Variants in RAB36 observed in about 807,000 individuals in gnomAD.
The protein encoded by RAB36 is RAB36, member RAS oncogene family, also known as ras-related protein Rab-36.
RAB36 carries 33 observed loss-of-function variants against 39.3 expected under a neutral mutation model. The ratio of observed to expected loss-of-function variants is 0.84; its 90% CI spans 0.64 to 1.12. The LOEUF is 1.12. Among genes scored for constraint, RAB36 ranks in the 50% most tolerant of loss-of-function variants. The probability of loss-of-function intolerance (pLI) is 0.00; values close to 1 mark genes in which losing one functional copy is unlikely to be tolerated. For synonymous variants in RAB36, 133 were observed against 140.2 expected (o/e 0.95, Z 0.36); for missense variants, 308 against 355.3 (o/e 0.87, Z 1.07).
At chr22:23,147,581 C>T (rs1332822089) in intron 2 of RAB36, among the ~76,000 whole-genome samples, 1 of 152,176 alleles carries the variant, frequency 6.6e-6, no homozygotes, top group African/African-American at 2.4e-5. Flanking sequence ...AATCCTCCCA[C>T]CCGGGCCTCT....
intron 2 of RAB36, among the ~76,000 whole-genome samples, chr22:23,148,814 A>T (rs2070946794): frequency 6.6e-6 from 1 of 152,178 alleles, no homozygotes; most frequent in Admixed American, 6.5e-5. Context: ...GCCAGTCCCT[A>T]GCTTAAAGCT....
chr22:23,146,835 T>C, intron 2 of RAB36, 150 bp downstream of exon 2: 5 of 1,409,154 alleles, frequency 3.5e-6, no homozygotes, highest in Non-Finnish European at 4.6e-6. Flanking sequence ...GACTGGTCAC[T>C]GACTGCCCAA....
rs369837537 is a variant in RAB36 at position 23,153,169 on chromosome 22, C to T, written c.329+35C>T. ...TGGTTCCCCCATGGCTCGTGGGCAG[C>T]TTCCTACAGGCACCTGAGAAAGGAT... On this transcript the variant is annotated intron_variant, in intron 5 of 10. Transcript: ENST00000263116. The T allele has an allele frequency of 1.3e-5, 19 of 1,502,550 alleles. No homozygotes were observed. In the African/African-American group the frequency reaches 2.2e-4, roughly 17 times the overall value. The allele number at this position is 1,502,550 out of a possible 1,614,324, so 93.1% of individuals were successfully genotyped here.
intron 10 of RAB36, 99 bp downstream of exon 10, chr22:23,161,097 C>T: frequency 7.1e-7 from 1 of 1,412,294 alleles, no homozygotes; most frequent in Admixed American, 2.2e-5. Flanking sequence ...ATTTCCTGAA[C>T]TTGTGGCCCT....
At chr22:23,166,968 G>A (rs906353693), downstream of RAB36, among the ~76,000 whole-genome samples, 2 of 152,074 alleles carry the variant, frequency 1.3e-5, no homozygotes, top group Admixed American at 6.5e-5. Context: ...CTGGAAGCTC[G>A]TTTAACCACA....
chr22:23,151,712 C>T (rs1175312242), intron 3 of RAB36, among the ~76,000 whole-genome samples: 1 of 152,188 alleles, frequency 6.6e-6, no homozygotes, highest in East Asian at 1.9e-4. Context: ...CAGCGAGACC[C>T]TGTCTCTAAA....
At chr22:23,146,080 C>T in intron 1 of RAB36, 1 of 937,972 alleles carries the variant, frequency 1.1e-6, no homozygotes, top group Non-Finnish European at 1.3e-6. Flanking sequence ...CAAGGGGAGA[C>T]CCAGGTCTTC....
At chr22:23,146,965 G>A (rs1346472588) in intron 2 of RAB36, among the ~76,000 whole-genome samples, 1 of 152,196 alleles carries the variant, frequency 6.6e-6, no homozygotes, top group East Asian at 1.9e-4. Context: ...CTGTCATTAA[G>A]CTGTGTGGCT....
chr22:23,168,488 G>A (rs536338112), downstream of RAB36, among the ~76,000 whole-genome samples: 157 of 147,868 alleles, frequency 1.1e-3, no homozygotes, highest in African/African-American at 3.4e-3. Flanking sequence ...CCTGGGCACC[G>A]CTCCCCGCCA....
rs1274170493 is a variant in RAB36 at position 23,152,958 on chromosome 22, TGC to T, written c.228-74_228-73del. On this transcript the variant is annotated intron_variant, in intron 4 of 10. Coordinates refer to ENST00000263116, the MANE Select transcript of RAB36 (RefSeq NM_004914.5). Reference sequence around the variant, plus strand: ...AGTGGACCTTATTTGCCTAAAGACTTGCAGTGTTACAAGTGAAGCTTCCGGGC... The same window carrying T: ...AGTGGACCTTATTTGCCTAAAGACTTAGTGTTACAAGTGAAGCTTCCGGGC... The T allele has an allele frequency of 2.9e-6, 3 of 1,051,780 alleles. No homozygotes were observed. The East Asian group carries it at 7.1e-5, about 25-fold the overall frequency. The allele number at this position is 1,051,780 out of a possible 1,614,324, so 65.2% of individuals were successfully genotyped here. A position where few individuals can be genotyped will look rare whatever the true frequency, so the allele number is the denominator to read the frequency against.
intron 7 of RAB36, 50 bp downstream of exon 7, chr22:23,158,093 G>A (rs1357717234): frequency 6.2e-7 from 1 of 1,608,324 alleles, no homozygotes; most frequent in Non-Finnish European, 8.5e-7. Flanking sequence ...TCAGGAAGCT[G>A]CCTGGAAGGG....
intron 6 of RAB36, 46 bp from the exon 7 acceptor site, chr22:23,157,946 G>A (rs1429311429): frequency 3.7e-6 from 6 of 1,612,406 alleles, no homozygotes; most frequent in East Asian, 4.5e-5. Flanking sequence ...CCCCTTGCTC[G>A]CCTCGCCTGG....
At chr22:23,154,110 C>T (rs1160117218) in intron 5 of RAB36, among the ~76,000 whole-genome samples, 1 of 152,108 alleles carries the variant, frequency 6.6e-6, no homozygotes, top group Non-Finnish European at 1.5e-5. Flanking sequence ...ACCCCTTACC[C>T]TCTCCCACCC....
chr22:23,153,177 A>C (rs1262421168), intron 5 of RAB36, 43 bp downstream of exon 5: 1 of 1,444,344 alleles, frequency 6.9e-7, no homozygotes. Context: ...AGCTTCCTAC[A>C]GGCACCTGAG....
At chr22:23,166,807 C>T (rs367995309), downstream of RAB36, among the ~76,000 whole-genome samples, 274 of 152,300 alleles carry the variant, frequency 1.8e-3, 2 homozygotes, top group African/African-American at 6.3e-3. Context: ...CACCACCCAC[C>T]ACCCACTGGA....
chr22:23,155,896 A>G, intron 5 of RAB36, 72 bp from the exon 6 acceptor site: 1 of 1,408,460 alleles, frequency 7.1e-7, no homozygotes, highest in Non-Finnish European at 9.6e-7. Flanking sequence ...ATGGTCCCGT[A>G]GCCTGTTGGC....
Position 23,150,824 on chromosome 22 carries a change from T to G in RAB36, c.161+670T>G, listed in dbSNP as rs369637558. Among the ~76,000 whole-genome samples the G allele has an allele frequency of 2.0e-5, 3 of 152,252 alleles. No homozygotes were observed. The East Asian group carries it at 5.8e-4, about 29-fold the overall frequency. On this transcript the variant is annotated intron_variant, in intron 3 of 10. Coordinates refer to ENST00000263116, the MANE Select transcript of RAB36 (RefSeq NM_004914.5). ...AGCCTTCTCTGACCCCCCACTACCC[T>G]TGCCCCTGGACTGGGGAGGGTACCC...
At chr22:23,168,497 CA>C (rs1228310916), downstream of RAB36, among the ~76,000 whole-genome samples, 5 of 105,550 alleles carry the variant, frequency 4.7e-5, no homozygotes, top group Non-Finnish European at 1.0e-4. Context: ...CGCTCCCCGC[CA>C]CACACACACA....
chr22:23,150,128 C>G lies in RAB36; in HGVS notation c.135C>G (p.Cys45Trp). 1 of 1,612,318 alleles carries G rather than the reference C, an allele frequency of 6.2e-7. No individual in the cohort carries two copies. Among genetic ancestry groups the G allele is most frequent in the Non-Finnish European group, 8.5e-7 (1 of 1,179,312 alleles). Residue 45 changes from cysteine (C) to tryptophan (W), a missense_variant, in exon 3 of 11, where the codon TGC (cysteine) becomes TGG (tryptophan). Cys to Trp is a radical substitution (Grantham distance 215). Coordinates refer to ENST00000263116, the MANE Select transcript of RAB36 (RefSeq NM_004914.5). ...EHFHGQVSAACQRRNTGTVGL... is the reference protein window; with the variant it reads ...EHFHGQVSAAWQRRNTGTVGL... Reference sequence around the variant, plus strand: ...TCCACGGGCAGGTCAGCGCTGCCTGCCAACGCAGGAACACGGGGACTGTCG... The same window carrying G: ...TCCACGGGCAGGTCAGCGCTGCCTGGCAACGCAGGAACACGGGGACTGTCG...
Sources: allele counts gnomAD v4.1 joint callset (sites outside exome capture counted in the v4.1 genomes callset), GRCh38; gene constraint gnomAD v4.1.1; transcripts MANE v1.5; gene names NCBI Gene and HGNC (gene_info 2026-07-23, HGNC 2026-07-21).